The following LPP variants were observed in gnomAD, a reference collection of about 807,000 sequenced individuals.
The protein encoded by LPP is lipoma-preferred partner.
LPP carries 38 observed loss-of-function variants against 60.4 expected under a neutral mutation model. The ratio of observed to expected loss-of-function variants is 0.63; its 90% CI spans 0.49 to 0.83. The LOEUF (loss-of-function observed/expected upper bound fraction) is 0.83. Among genes scored for constraint, LPP ranks in the 40% least tolerant of loss-of-function variants. The pLI, the probability that LPP is intolerant of heterozygous loss-of-function variation, is 0.00. For synonymous variants in LPP, 328 were observed against 290.8 expected, an observed-to-expected ratio of 1.13 and a Z score of -1.30; for missense variants, 902 against 783.6, an observed-to-expected ratio of 1.15 and a Z score of -1.80.
At chr3:188,308,100 A>G (rs1578000200) in intron 2 of LPP, among the ~76,000 whole-genome samples, 1 of 152,184 alleles carries the variant, frequency 6.6e-6, no homozygotes, top group African/African-American at 2.4e-5. Flanking sequence ...TTCAGGACTG[A>G]TGGTAGAGGA....
At chr3:188,603,537 G>A (rs1302856026) in intron 6 of LPP, among the ~76,000 whole-genome samples, 1 of 152,112 alleles carries the variant, frequency 6.6e-6, no homozygotes, top group Non-Finnish European at 1.5e-5. Flanking sequence ...TCTGGAAAAT[G>A]AGGATTGGTT....
At chr3:188,166,692 T>G (rs1251935726) in intron 1 of LPP, among the ~76,000 whole-genome samples, 1 of 152,244 alleles carries the variant, frequency 6.6e-6, no homozygotes, top group African/African-American at 2.4e-5. Flanking sequence ...GCCAGATTCT[T>G]CCTGTTCCCT....
intron 9 of LPP, among the ~76,000 whole-genome samples, chr3:188,832,702 G>A (rs138779184): frequency 6.6e-6 from 1 of 152,320 alleles, no homozygotes; most frequent in Non-Finnish European, 1.5e-5. Context: ...TCAGGGTTCT[G>A]CTTCACCATC....
chr3:188,186,553 G>T (rs1333365429), intron 1 of LPP, among the ~76,000 whole-genome samples: 1 of 151,564 alleles, frequency 6.6e-6, no homozygotes, highest in East Asian at 1.9e-4. Context: ...GCTGTTGGCA[G>T]TTAATCCTTT....
intron 3 of LPP, among the ~76,000 whole-genome samples, chr3:188,360,958 A>C (rs549260247): frequency 6.6e-6 from 1 of 152,328 alleles, no homozygotes; most frequent in African/African-American, 2.4e-5. Context: ...ACACAAATGC[A>C]ATGATGCTAA....
At chr3:188,210,851 C>G (rs567920058) in intron 1 of LPP, among the ~76,000 whole-genome samples, 4 of 152,180 alleles carry the variant, frequency 2.6e-5, no homozygotes, top group Non-Finnish European at 4.4e-5. Context: ...GAAGACCACC[C>G]CTTTTTGCTC....
chr3:188,667,430 A>T (rs1006801945), intron 7 of LPP, among the ~76,000 whole-genome samples: 9 of 150,764 alleles, frequency 6.0e-5, no homozygotes, highest in African/African-American at 2.0e-4. Context: ...GTGAGCCGAG[A>T]TCACACCACT....
intron 2 of LPP, among the ~76,000 whole-genome samples, chr3:188,307,398 C>T (rs1023951062): frequency 9.9e-5 from 15 of 152,172 alleles, no homozygotes; most frequent in African/African-American, 3.1e-4. Context: ...GGGACTCAGA[C>T]GTGGCTGTTT....
At position 188,375,608 on chromosome 3, in the gene LPP, T is replaced by A. The variant is rs936431999; in HGVS notation, c.-9-30504T>A. On this transcript the variant is annotated intron_variant, in intron 3 of 11. Transcript: ENST00000617246. Reference sequence around the variant, plus strand: ...TTGATTCTTCTCTTTTCTTCTTTATTAGTCTTGCTAGTGGTCTATCGGTTT... The same window carrying A: ...TTGATTCTTCTCTTTTCTTCTTTATAAGTCTTGCTAGTGGTCTATCGGTTT... 4.6e-5 allele frequency among the ~76,000 whole-genome samples: 7 copies of A among 152,324 alleles called. No individual in the cohort carries two copies. In the East Asian group the frequency reaches 7.7e-4, roughly 17 times the overall value.
intron 9 of LPP, among the ~76,000 whole-genome samples, chr3:188,838,534 T>C (rs1366052990): frequency 1.3e-5 from 2 of 152,176 alleles, no homozygotes; most frequent in Non-Finnish European, 2.9e-5. Context: ...AGCTTTAGGA[T>C]AGGTGCAGCT....
At chr3:188,354,569 T>C (rs1766947091) in intron 3 of LPP, among the ~76,000 whole-genome samples, 1 of 152,310 alleles carries the variant, frequency 6.6e-6, no homozygotes, top group East Asian at 1.9e-4. Flanking sequence ...TGGATGTTTT[T>C]TTTCTTTTAC....
intron 8 of LPP, chr3:188,759,200 T>G (rs191754408): frequency 6.6e-6 from 1 of 152,378 alleles, no homozygotes; most frequent in Non-Finnish European, 1.5e-5. Flanking sequence ...AATTTATATT[T>G]TATTGTTATT....
chr3:188,590,836 C>A (rs1256849762), intron 6 of LPP, among the ~76,000 whole-genome samples: 2 of 152,072 alleles, frequency 1.3e-5, no homozygotes, highest in Non-Finnish European at 2.9e-5. Flanking sequence ...ATCTCTAAGG[C>A]CTTCAATTAT....
intron 4 of LPP, among the ~76,000 whole-genome samples, chr3:188,468,233 T>G (rs1800947132): frequency 6.6e-6 from 1 of 152,162 alleles, no homozygotes; most frequent in Non-Finnish European, 1.5e-5. Context: ...AATCTTAACT[T>G]TCTTATCTGT....
chr3:188,611,089 C>A (rs1003500691), intron 7 of LPP, among the ~76,000 whole-genome samples: 1 of 152,160 alleles, frequency 6.6e-6, no homozygotes, highest in African/African-American at 2.4e-5. Context: ...TATATGAAAG[C>A]GTCTGCCATA....
At position 188,466,804 on chromosome 3, in the gene LPP, A is replaced by AATGTAT. The variant is rs375483583; in HGVS notation, c.194-17787_194-17786insTGTATA. Among the ~76,000 whole-genome samples, 2 of 72,938 alleles carry AATGTAT rather than the reference A, an allele frequency of 2.7e-5. 1 individual carries two copies. The highest frequency in any genetic ancestry group is 5.4e-5 in the Non-Finnish European group (2 of 37,034). The allele number at this position is 72,938 out of a possible 152,430, so 47.9% of individuals were successfully genotyped here. On this transcript the variant is annotated intron_variant, in intron 4 of 11. Coordinates refer to ENST00000617246, the MANE Select transcript of LPP (RefSeq NM_001375462.1). ...AAAAAAGTGGTTTCTGTCATCTCAG[A>AATGTAT]ACATATATATATATATATATATATA... is the stretch of plus-strand genomic sequence containing the variant.
chr3:188,476,445 TTAAG>T (rs1223895848), intron 4 of LPP, among the ~76,000 whole-genome samples: 2 of 151,986 alleles, frequency 1.3e-5, no homozygotes, highest in African/African-American at 4.9e-5. Flanking sequence ...CCTCTGCATG[TTAAG>T]TTACTTCTTT....
At chr3:188,509,677 CCTT>C (rs1560497415) in intron 5 of LPP, among the ~76,000 whole-genome samples, 1 of 27,118 alleles carries the variant, frequency 3.7e-5, no homozygotes, top group Non-Finnish European at 8.0e-5. Flanking sequence ...TTCCTTCCTT[CCTT>C]CCTTCCTCTC....
intron 8 of LPP, among the ~76,000 whole-genome samples, chr3:188,757,889 G>GTTTTTTTTTTTTTTTTTT (rs750488243): frequency 3.9e-4 from 31 of 78,728 alleles, no homozygotes; most frequent in South Asian, 5.6e-4. Flanking sequence ...TGTTTTTTTG[G>GTTTTTTTTTTTTTTTTTT]TTTTTTTTTT....
Sources: allele counts gnomAD v4.1 joint callset (sites outside exome capture counted in the v4.1 genomes callset), GRCh38; gene constraint gnomAD v4.1.1; transcripts MANE v1.5; gene names NCBI Gene and HGNC (gene_info 2026-07-23, HGNC 2026-07-21).